SDR39U1: variants seen among roughly 807,000 people sequenced by gnomAD.
SDR39U1 encodes the protein short chain dehydrogenase/reductase family 39U member 1, also known as epimerase family protein SDR39U1.
A neutral mutation model predicts 31.7 loss-of-function variants in SDR39U1; 29 were observed. That is an observed-to-expected ratio of 0.92 (90% CI 0.68 to 1.25). SDR39U1 has a LOEUF of 1.25. Ranked by LOEUF, SDR39U1 falls within the 50% of genes most tolerant of loss-of-function variation. The pLI, the probability that SDR39U1 is intolerant of heterozygous loss-of-function variation, is 0.00. For synonymous variants in SDR39U1, 147 were observed against 159.0 expected, an observed-to-expected ratio of 0.92 and a Z score of 0.57; for missense variants, 403 against 378.4, an observed-to-expected ratio of 1.06 and a Z score of -0.54.
chr14:24,440,458 G>A lies in SDR39U1; in HGVS notation c.507C>T (p.Gly169=). Residue 169 remains glycine (G), a synonymous_variant, in exon 6 of 6, where the codon GGC becomes GGT. Transcript: ENST00000399395. ...CCAGGCGAAAGGGCAGCAGCATGTGGCCCATGGCACCACCCCCACGGCCCA... is the reference window on the plus strand; with the variant it reads ...CCAGGCGAAAGGGCAGCAGCATGTGACCCATGGCACCACCCCCACGGCCCA... ...VVLGRGGGAM[G]HMLLPFRLGL... 1 of 1,610,042 alleles carries A rather than the reference G, an allele frequency of 6.2e-7. No homozygotes were observed. Among genetic ancestry groups the A allele is most frequent in the Non-Finnish European group, 8.5e-7 (1 of 1,178,212 alleles).
intron 1 of SDR39U1, 50 bp from the exon 2 acceptor site, chr14:24,442,502 G>T (rs766283579): frequency 1.5e-5 from 23 of 1,506,696 alleles, no homozygotes; most frequent in Admixed American, 1.9e-5. Flanking sequence ...TGGGGTGGGG[G>T]CGCCTTCCGT....
chr14:24,441,111 C>T (rs112035490), intron 4 of SDR39U1, 185 bp from the exon 5 acceptor site: 4 of 728,522 alleles, frequency 5.5e-6, no homozygotes, highest in East Asian at 5.5e-5. Flanking sequence ...TGGAGGAACT[C>T]TGGTTGCAGG....
intron 1 of SDR39U1, 66 bp downstream of exon 1, chr14:24,442,688 G>T (rs1594766395): frequency 1.3e-6 from 2 of 1,596,494 alleles, no homozygotes; most frequent in East Asian, 4.5e-5. Flanking sequence ...CCTCCCGGAA[G>T]CGGATTCCCA....
chr14:24,442,432 C>A lies in SDR39U1; in HGVS notation c.37G>T (p.Gly13Trp). 1 of 1,607,968 alleles carries A rather than the reference C, an allele frequency of 6.2e-7. No individual in the cohort carries two copies. ...TTCAGCAGCTGGGTTAGGGCTGTCC[C>A]AATGAAGCCTGTCCCGCCACCTGAT... Reference protein sequence around the residue: ...VLVGGGTGFIGTALTQLLNAR... With the variant: ...VLVGGGTGFIWTALTQLLNAR... The change falls in exon 2 of 6, where the codon GGG (glycine) becomes TGG (tryptophan). Residue 13 changes from glycine to tryptophan, a missense_variant. By Grantham distance (184) the Gly-to-Trp change is radical. Coordinates refer to ENST00000399395, the MANE Select transcript of SDR39U1 (RefSeq NM_020195.3).
At chr14:24,442,066 C>G (rs1239922305) in intron 3 of SDR39U1, 112 bp downstream of exon 3, 3 of 1,547,804 alleles carry the variant, frequency 1.9e-6, no homozygotes, top group Admixed American at 2.0e-5. Flanking sequence ...TCTGGGATAT[C>G]GGTTTAGTTC....
Position 24,442,762 on chromosome 14 carries a change from A to G in SDR39U1, c.8T>C (p.Val3Ala), listed in dbSNP as rs1404500839. 2 of 1,613,860 alleles carry G rather than the reference A, an allele frequency of 1.2e-6. No homozygotes were observed. Among genetic ancestry groups the G allele is most frequent in the Non-Finnish European group, 1.7e-6 (2 of 1,179,886 alleles). Residue 3 changes from valine (V) to alanine (A), a missense_variant, in exon 1 of 6, where the codon GTG (valine) becomes GCG (alanine). By Grantham distance (64) the Val-to-Ala change is moderately conservative. Coordinates refer to ENST00000399395, the MANE Select transcript of SDR39U1 (RefSeq NM_020195.3). MR[V>A]LVGGGTGFIG... is the part of the protein sequence containing the mutation. ...TTTCTGCCCTCCCTCACCCACAAGC[A>G]CACGCATAGCGACTAGGACCTAACG...
chr14:24,442,656 T>C, intron 1 of SDR39U1, 98 bp downstream of exon 1: 2 of 1,483,074 alleles, frequency 1.3e-6, no homozygotes, highest in Non-Finnish European at 1.9e-6. Flanking sequence ...CAAGGCCAGG[T>C]TGCCTGTGCA....
chr14:24,442,266 G>C lies in SDR39U1; in HGVS notation c.124-6C>G. ...CCCGATGCAGCGAGCTCATCCTGTC[G>C]GAGAAAGCACACAGTGCCCCTGCCC... On this transcript the variant is annotated splice_polypyrimidine_tract_variant and splice_region_variant and intron_variant, in intron 2 of 5. Coordinates refer to ENST00000399395, the MANE Select transcript of SDR39U1 (RefSeq NM_020195.3). The C allele has an allele frequency of 6.2e-7, 1 of 1,608,052 alleles. No individual in the cohort carries two copies. The highest frequency in any genetic ancestry group is 8.5e-7 in the Non-Finnish European group (1 of 1,177,622).
chr14:24,440,263 A>G lies in SDR39U1; in HGVS notation c.702T>C (p.Ala234=), dbSNP rs368937577. 6.2e-7 allele frequency: 1 copy of G among 1,613,964 alleles called. No individual in the cohort carries two copies. The highest frequency in any genetic ancestry group is 1.3e-5 in the African/African-American group (1 of 75,058). The part of the protein sequence containing the change: ...TNAEFAQTLG[A]ALGRRAFIPL... ...GGATGAAGGCTCGGCGGCCCAGGGCAGCACCCAAGGTCTGGGCAAACTCAG... is the reference window on the plus strand; with the variant it reads ...GGATGAAGGCTCGGCGGCCCAGGGCGGCACCCAAGGTCTGGGCAAACTCAG... Residue 234 remains alanine, a synonymous_variant, in exon 6 of 6, where the codon GCT becomes GCC. Transcript: ENST00000399395.
intron 3 of SDR39U1, 151 bp downstream of exon 3, chr14:24,442,009 TGGGTGGAGGAGCAGGTGG>T: frequency 6.8e-7 from 1 of 1,475,112 alleles, no homozygotes; most frequent in Non-Finnish European, 9.2e-7. Context: ...ATTGGCTGAC[TGGGTGGAGGAGCAGGTGG>T]GGGTGGAGGA....
At chr14:24,442,779 G>A, upstream of SDR39U1, 1 of 1,613,948 alleles carries the variant, frequency 6.2e-7, no homozygotes, top group Non-Finnish European at 8.5e-7. Context: ...TAGCGACTAG[G>A]ACCTAACGCG....
chr14:24,440,618 C>T, intron 5 of SDR39U1, 126 bp from the exon 6 acceptor site: 2 of 1,367,292 alleles, frequency 1.5e-6, no homozygotes, highest in Non-Finnish European at 2.0e-6. Flanking sequence ...CAGAAGTGAG[C>T]AGTATGGCTG....
chr14:24,441,041 G>T, intron 4 of SDR39U1, 115 bp from the exon 5 acceptor site: 1 of 1,135,512 alleles, frequency 8.8e-7, no homozygotes, highest in Non-Finnish European at 1.3e-6. Context: ...CCCATTTGGA[G>T]ACAGAGCCAT....
rs1220267791 is a variant in SDR39U1, at chr14:24,442,255, C to T, written c.129G>A (p.Glu43=). ...KPGPGRITWD[E]LAASGLPSCD... ...AGCTCGGCAGCCCCGATGCAGCGAG[C>T]TCATCCTGTCGGAGAAAGCACACAG... The change falls in exon 3 of 6, where the codon GAG becomes GAA. Residue 43 remains glutamate (E), a synonymous_variant. Coordinates refer to ENST00000399395, the MANE Select transcript of SDR39U1 (RefSeq NM_020195.3). 6.2e-7 allele frequency: 1 copy of T among 1,609,250 alleles called. No homozygotes were observed. The highest frequency in any genetic ancestry group is 8.5e-7 in the Non-Finnish European group (1 of 1,178,146).
Position 24,439,968 on chromosome 14 carries a change from G to T in SDR39U1, c.*115C>A. The T allele has an allele frequency of 1.3e-6, 1 of 787,998 alleles. No individual in the cohort carries two copies. The highest frequency in any genetic ancestry group is 2.0e-6 in the Non-Finnish European group (1 of 505,208). 48.8% of individuals were successfully genotyped at this position (787,998 alleles called of 1,614,324 possible). On this transcript the variant is annotated 3_prime_UTR_variant, in exon 6 of 6. Transcript: ENST00000399395. ...CAACAGAACAATGGGAAAGAGGACT[G>T]GGAGAGGAATCTAAGAACCAGATGG...
chr14:24,442,286 C>A, intron 2 of SDR39U1, 26 bp from the exon 3 acceptor site: 2 of 1,601,342 alleles, frequency 1.2e-6, no homozygotes, highest in East Asian at 4.5e-5. Context: ...CACAGTGCCC[C>A]TGCCCCGCCC....
In SDR39U1 at chr14:24,440,886, G is replaced by A. The variant is rs2043315686; in HGVS notation, c.369C>T (p.Asp123=). Reference sequence around the variant, plus strand: ...AAAAGTCAAAGTCCCCTCCTGGGCTGTCTTCATCATACTCCGCAGTCAGAC... The same window carrying A: ...AAAAGTCAAAGTCCCCTCCTGGGCTATCTTCATCATACTCCGCAGTCAGAC... The part of the protein sequence containing the change: ...QPSLTAEYDE[D]SPGGDFDFFS... Residue 123 remains aspartate, a synonymous_variant, in exon 5 of 6, where the codon GAC becomes GAT. Transcript: ENST00000399395. 6.2e-7 allele frequency: 1 copy of A among 1,614,056 alleles called. No individual in the cohort carries two copies. The highest frequency in any genetic ancestry group is 8.5e-7 in the Non-Finnish European group (1 of 1,179,888).
intron 4 of SDR39U1, chr14:24,441,466 T>G: frequency 1.9e-6 from 1 of 535,840 alleles, no homozygotes; most frequent in East Asian, 3.2e-5. Flanking sequence ...TTCCCTGGCA[T>G]TGAGTGATGC....
chr14:24,442,036 G>A, intron 3 of SDR39U1, 142 bp downstream of exon 3: 3 of 1,523,534 alleles, frequency 2.0e-6, no homozygotes. Context: ...GGGGGTGGAG[G>A]AGTGGAGCAG....
Sources: gnomAD v4.1 joint callset for allele counts on GRCh38, gnomAD v4.1.1 for gene constraint, MANE v1.5 for transcripts, NCBI Gene and HGNC (gene_info 2026-07-23, HGNC 2026-07-21) for gene names.